The following UBE2QL1 variants were observed in gnomAD, a reference collection of about 807,000 sequenced individuals.
UBE2QL1 encodes the protein ubiquitin conjugating enzyme E2 QL1.
Under a neutral mutation model 12.6 loss-of-function variants are expected in UBE2QL1, and 5 were observed. The observed-to-expected ratio is 0.40, with a 90% CI of 0.21 to 0.83. The LOEUF (loss-of-function observed/expected upper bound fraction) is 0.83. Ranked by LOEUF, UBE2QL1 falls within the 40% of genes least tolerant of loss-of-function variation. The pLI, the probability that UBE2QL1 is intolerant of heterozygous loss-of-function variation, is 0.37. For missense variants in UBE2QL1, 99 were observed against 222.6 expected (o/e 0.44, Z 3.53); for synonymous variants, 96 against 94.5 (o/e 1.02, Z -0.10).
intron 1 of UBE2QL1, among the ~76,000 whole-genome samples, chr5:6,456,583 C>T (rs1739530106): frequency 6.6e-6 from 1 of 152,220 alleles, no homozygotes; most frequent in South Asian, 2.1e-4. Context: ...CAGTTATTTT[C>T]TCATTGTTAC....
At chr5:6,487,320 GT>G (rs1453666425) in intron 1 of UBE2QL1, among the ~76,000 whole-genome samples, 3 of 152,330 alleles carry the variant, frequency 2.0e-5, no homozygotes, top group African/African-American at 7.2e-5. Flanking sequence ...TACTGGTTTT[GT>G]TTGACAGATG....
rs1182638911 is a variant in UBE2QL1 at position 6,496,618 on chromosome 5, G to A, written c.*5269G>A. Among the ~76,000 whole-genome samples the A allele has an allele frequency of 6.6e-6, 1 of 152,144 alleles. No individual in the cohort carries two copies. Among genetic ancestry groups the A allele is most frequent in the Non-Finnish European group, 1.5e-5 (1 of 68,036 alleles). The stretch of plus-strand genomic sequence containing the variant: ...AAGAAATGTTTACCACTGGAAGATG[G>A]TGAGTGCATGAGTCAAATAATCTAG... On this transcript the variant is annotated 3_prime_UTR_variant, in exon 2 of 2. Coordinates refer to ENST00000399816, the MANE Select transcript of UBE2QL1 (RefSeq NM_001145161.3).
At chr5:6,483,202 G>A (rs1173989907) in intron 1 of UBE2QL1, among the ~76,000 whole-genome samples, 4 of 152,144 alleles carry the variant, frequency 2.6e-5, no homozygotes, top group Non-Finnish European at 4.4e-5. Flanking sequence ...TTGGGAGGCC[G>A]AGGCGGGTGG....
rs759297212 is a variant in UBE2QL1, at chr5:6,476,043, A to T, written c.355-15175A>T. Reference sequence around the variant, plus strand: ...AACTTGTGATAAGTTCATCACACCCACTGAAATGGCTCAGAACACTTTCAG... The same window carrying T: ...AACTTGTGATAAGTTCATCACACCCTCTGAAATGGCTCAGAACACTTTCAG... On this transcript the variant is annotated intron_variant, in intron 1 of 1. Transcript: ENST00000399816. The surrounding 1 kb of genome is among the most constrained non-coding windows in gnomAD (Gnocchi z 4.9). 2.6e-5 allele frequency among the ~76,000 whole-genome samples: 4 copies of T among 152,132 alleles called. No homozygotes were observed. The highest frequency in any genetic ancestry group is 5.9e-5 in the Non-Finnish European group (4 of 68,026).
intron 1 of UBE2QL1, among the ~76,000 whole-genome samples, chr5:6,455,479 G>C (rs1015782905): frequency 6.6e-6 from 1 of 152,088 alleles, no homozygotes; most frequent in Non-Finnish European, 1.5e-5. Flanking sequence ...TGATGTAGTC[G>C]GGAGGGGAGA....
intron 1 of UBE2QL1, among the ~76,000 whole-genome samples, chr5:6,458,605 C>T (rs1037339599): frequency 6.6e-6 from 1 of 151,920 alleles, no homozygotes; most frequent in African/African-American, 2.4e-5. Flanking sequence ...CATATTGCTT[C>T]CCGTAAGATG....
intron 1 of UBE2QL1, among the ~76,000 whole-genome samples, chr5:6,488,574 A>T (rs1734508277): frequency 6.7e-6 from 1 of 150,346 alleles, no homozygotes; most frequent in Non-Finnish European, 1.5e-5. Flanking sequence ...AGGTAGGAGG[A>T]TTGCTTGAGC....
At chr5:6,467,196 C>G (rs1253005174) in intron 1 of UBE2QL1, among the ~76,000 whole-genome samples, 1 of 152,122 alleles carries the variant, frequency 6.6e-6, no homozygotes, top group Non-Finnish European at 1.5e-5. Flanking sequence ...CTCTCCCTCC[C>G]TCTCCTCCCC....
At chr5:6,480,612 TCCAAGAAAGTA>T (rs749726624) in intron 1 of UBE2QL1, among the ~76,000 whole-genome samples, 15 of 152,198 alleles carry the variant, frequency 9.9e-5, no homozygotes, top group Non-Finnish European at 1.8e-4. Flanking sequence ...GCTTGCTTCC[TCCAAGAAAGTA>T]CCATCTGTTT....
At chr5:6,465,509 T>C (rs965561849) in intron 1 of UBE2QL1, among the ~76,000 whole-genome samples, 1 of 152,158 alleles carries the variant, frequency 6.6e-6, no homozygotes, top group African/African-American at 2.4e-5. Context: ...CAAAAAGTAA[T>C]TTTCTCCAAG....
Position 6,494,505 on chromosome 5 carries a change from G to A in UBE2QL1, c.*3156G>A, listed in dbSNP as rs1734632240. ...AAAAGCCATGTGTCCATGTAACCCT[G>A]GCCAGTCACTCCACCTGCCTGAGCC... On this transcript the variant is annotated 3_prime_UTR_variant, in exon 2 of 2. Transcript: ENST00000399816. The A allele has an allele frequency of 6.6e-6, 1 of 152,106 alleles. No homozygotes were observed. Among genetic ancestry groups the A allele is most frequent in the Non-Finnish European group, 1.5e-5 (1 of 68,024 alleles). 9.4% of individuals were successfully genotyped at this position (152,106 alleles called of 1,614,324 possible).
intron 1 of UBE2QL1, among the ~76,000 whole-genome samples, chr5:6,485,904 G>A (rs573994291): frequency 1.3e-5 from 2 of 152,304 alleles, no homozygotes; most frequent in East Asian, 3.9e-4. Flanking sequence ...CTATGTAAAT[G>A]CAATATACTG....
At chr5:6,471,139 C>T (rs1338666573) in intron 1 of UBE2QL1, among the ~76,000 whole-genome samples, 2 of 152,162 alleles carry the variant, frequency 1.3e-5, no homozygotes, top group Admixed American at 1.3e-4. Context: ...TCATTTTGCC[C>T]TTGGTCCATT....
At position 6,481,657 on chromosome 5, in the gene UBE2QL1, C is replaced by G. The variant is rs1036673005; in HGVS notation, c.355-9561C>G. ...CCTGGGTCAGAAGCCTGGAGTGGCT[C>G]GGGCCTCCCACTGATCCTTCCCCCA... is the stretch of plus-strand genomic sequence containing the variant. On this transcript the variant is annotated intron_variant, in intron 1 of 1. Coordinates refer to ENST00000399816, the MANE Select transcript of UBE2QL1 (RefSeq NM_001145161.3). This position sits in a 1 kb window ranked among gnomAD's most constrained non-coding sequence, Gnocchi z 4.5. 7.9e-5 allele frequency among the ~76,000 whole-genome samples: 12 copies of G among 152,314 alleles called. No individual in the cohort carries two copies. The highest frequency in any genetic ancestry group is 1.8e-4 in the Non-Finnish European group (12 of 68,028).
At chr5:6,475,090 G>A (rs898554162) in intron 1 of UBE2QL1, among the ~76,000 whole-genome samples, 3 of 152,150 alleles carry the variant, frequency 2.0e-5, no homozygotes, top group Non-Finnish European at 4.4e-5. Context: ...AAAAATCACC[G>A]ATTGAATTAT....
At position 6,492,302 on chromosome 5, in the gene UBE2QL1, G is replaced by C. The variant is rs1734587952; in HGVS notation, c.*953G>C. 1 of 152,204 alleles carries C rather than the reference G, an allele frequency of 6.6e-6. No individual in the cohort carries two copies. The highest frequency in any genetic ancestry group is 2.4e-5 in the African/African-American group (1 of 41,444). 9.4% of individuals were successfully genotyped at this position (152,204 alleles called of 1,614,324 possible). A position where few individuals can be genotyped will look rare whatever the true frequency, so the allele number is the denominator to read the frequency against. On this transcript the variant is annotated 3_prime_UTR_variant, in exon 2 of 2. Coordinates refer to ENST00000399816, the MANE Select transcript of UBE2QL1 (RefSeq NM_001145161.3). Reference sequence around the variant, plus strand: ...ACAATGAATGTCAGAACTGCCAAAGGATACCAAGTGATCATACGATGATTT... The same window carrying C: ...ACAATGAATGTCAGAACTGCCAAAGCATACCAAGTGATCATACGATGATTT...
At chr5:6,470,031 G>A (rs1008231151) in intron 1 of UBE2QL1, among the ~76,000 whole-genome samples, 2 of 152,190 alleles carry the variant, frequency 1.3e-5, no homozygotes, top group African/African-American at 4.8e-5. Flanking sequence ...TGCCGGGGCC[G>A]CAGTGTTCAG....
At chr5:6,469,578 G>A (rs112559299) in intron 1 of UBE2QL1, among the ~76,000 whole-genome samples, 48 of 140,486 alleles carry the variant, frequency 3.4e-4, no homozygotes, top group East Asian at 2.2e-3. Flanking sequence ...GTGTGTGTGT[G>A]TATATATATA....
Position 6,496,230 on chromosome 5 carries a change from T to C in UBE2QL1, c.*4881T>C, listed in dbSNP as rs890815539. 6.6e-6 allele frequency among the ~76,000 whole-genome samples: 1 copy of C among 152,222 alleles called. No homozygotes were observed. Among genetic ancestry groups the C allele is most frequent in the Non-Finnish European group, 1.5e-5 (1 of 68,030 alleles). ...ATTAAAGCCAGGAGGTGGCTTTCTC[T>C]TTCCTTCTACTGGTGGTAAATTAAG... is the stretch of plus-strand genomic sequence containing the variant. On this transcript the variant is annotated 3_prime_UTR_variant, in exon 2 of 2. Coordinates refer to ENST00000399816, the MANE Select transcript of UBE2QL1 (RefSeq NM_001145161.3).
Sources: gnomAD v4.1 joint callset for allele counts (sites outside exome capture counted in the v4.1 genomes callset) on GRCh38, gnomAD v4.1.1 for gene constraint, Gnocchi (gnomAD v3.1) non-coding constraint, MANE v1.5 for transcripts, NCBI Gene and HGNC (gene_info 2026-07-23, HGNC 2026-07-21) for gene names.